Variants in SPRY1 observed in about 807,000 individuals in gnomAD.
SPRY1 encodes the protein protein sprouty homolog 1.
Under a neutral mutation model 22.6 loss-of-function variants are expected in SPRY1, and 20 were observed. The ratio of observed to expected loss-of-function variants is 0.89; its 90% CI spans 0.62 to 1.29. SPRY1 has a LOEUF of 1.29. Ranked by LOEUF, SPRY1 falls within the 50% of genes most tolerant of loss-of-function variation. The pLI, the probability that SPRY1 is intolerant of heterozygous loss-of-function variation, is 0.00. For missense variants in SPRY1, 446 were observed against 387.7 expected (o/e 1.15, Z -1.26); for synonymous variants, 155 against 144.7 (o/e 1.07, Z -0.51).
chr4:123,397,016 A>T (rs533052608), intron 1 of SPRY1, 84 bp downstream of exon 1: 8 of 152,348 alleles, frequency 5.3e-5, no homozygotes, highest in African/African-American at 1.9e-4. Flanking sequence ...ACATTTATTT[A>T]TTTGAACTTG....
In SPRY1 at chr4:123,402,162, G is replaced by C; in HGVS notation, c.571G>C (p.Glu191Gln). ...ACAGTGTGGGAAGTGCAAGTGTGGAGAATGCACTGCTCCCAGGACCCTACC... is the reference window on the plus strand; with the variant it reads ...ACAGTGTGGGAAGTGCAAGTGTGGACAATGCACTGCTCCCAGGACCCTACC... ...CEQCGKCKCG[E>Q]CTAPRTLPSC... The change falls in exon 3 of 3, where the codon GAA becomes CAA. Residue 191 changes from glutamate (E) to glutamine (Q), a missense_variant. Glu to Gln is a conservative substitution (Grantham distance 29). Coordinates refer to ENST00000651917, the MANE Select transcript of SPRY1 (RefSeq NM_001258038.2). The C allele has an allele frequency of 6.2e-7, 1 of 1,614,232 alleles. No individual in the cohort carries two copies. Among genetic ancestry groups the C allele is most frequent in the Non-Finnish European group, 8.5e-7 (1 of 1,180,034 alleles).
At chr4:123,398,366 G>A (rs1724999211) in intron 2 of SPRY1, 1 of 151,134 alleles carries the variant, frequency 6.6e-6, no homozygotes, top group Admixed American at 6.6e-5. Flanking sequence ...CGGCGGGGGC[G>A]GGGGAGGCCG....
At chr4:123,398,126 T>C (rs1724985475) in intron 2 of SPRY1, 1 of 152,402 alleles carries the variant, frequency 6.6e-6, no homozygotes, top group Non-Finnish European at 1.5e-5. Context: ...CGTCACGCAC[T>C]CGACTCCGCC....
At chr4:123,399,593 C>G (rs1279863417) in intron 2 of SPRY1, 1 of 152,338 alleles carries the variant, frequency 6.6e-6, no homozygotes, top group Non-Finnish European at 1.5e-5. Flanking sequence ...CTTCTTTCTC[C>G]TCGGCCCTCG....
At chr4:123,400,185 C>T (rs572702447) in intron 2 of SPRY1, 15 of 152,140 alleles carry the variant, frequency 9.9e-5, no homozygotes, top group Admixed American at 3.9e-4. Flanking sequence ...ACTAAATCCC[C>T]GCAGGTTATG....
chr4:123,400,214 C>G (rs994980571), intron 2 of SPRY1: 1 of 151,910 alleles, frequency 6.6e-6, no homozygotes, highest in Non-Finnish European at 1.5e-5. Flanking sequence ...ACTCCTCATG[C>G]GCAAAGAAGG....
At position 123,401,679 on chromosome 4, in the gene SPRY1, G is replaced by A. The variant is rs979389180; in HGVS notation, c.88G>A (p.Glu30Lys). The A allele has an allele frequency of 6.2e-7, 1 of 1,614,026 alleles. No homozygotes were observed. The highest frequency in any genetic ancestry group is 8.5e-7 in the Non-Finnish European group (1 of 1,180,036). ...GGATAGCCGTCAGAGATTAGACTAT[G>A]AGAGAGAGATTCAGCCTACTGCTAT... ...SLDSRQRLDY[E>K]REIQPTAILS... Residue 30 changes from glutamate to lysine, a missense_variant, in exon 3 of 3, where the codon GAG becomes AAG. Transcript: ENST00000651917.
At chr4:123,400,355 T>A (rs1480563746) in intron 2 of SPRY1, 1 of 152,232 alleles carries the variant, frequency 6.6e-6, no homozygotes, top group Non-Finnish European at 1.5e-5. Context: ...TCTGCGTTGT[T>A]CCTTAAACCA....
In SPRY1 at chr4:123,401,572, A is replaced by G. The variant is rs751828074; in HGVS notation, c.-20A>G. The G allele has an allele frequency of 1.3e-6, 2 of 1,599,856 alleles. No individual in the cohort carries two copies. Among genetic ancestry groups the G allele is most frequent in the Admixed American group, 3.4e-5 (2 of 59,014 alleles). ...GCATGCCAGGTTTCCACTGATTGCC[A>G]GAACTCGAGATCACTACACATGGAT... On this transcript the variant is annotated 5_prime_UTR_variant, in exon 3 of 3. Coordinates refer to ENST00000651917, the MANE Select transcript of SPRY1 (RefSeq NM_001258038.2).
chr4:123,402,804 A>G lies in SPRY1; in HGVS notation c.*253A>G. 2 of 551,886 alleles carry G rather than the reference A, an allele frequency of 3.6e-6. No individual in the cohort carries two copies. The highest frequency in any genetic ancestry group is 6.5e-6 in the Non-Finnish European group (2 of 309,866). 34.2% of individuals were successfully genotyped at this position (551,886 alleles called of 1,614,324 possible). On this transcript the variant is annotated 3_prime_UTR_variant, in exon 3 of 3. Transcript: ENST00000651917. ...CATCCACTTGAGGGTATTGAGAGCC[A>G]GTGGGCTTTTGTGTAGCCTTTTTGT... is the stretch of plus-strand genomic sequence containing the variant.
At chr4:123,401,479 A>G (rs550467630) in intron 2 of SPRY1, 58 bp from the exon 3 acceptor site, 2 of 1,325,932 alleles carry the variant, frequency 1.5e-6, no homozygotes, top group Admixed American at 2.3e-5. Flanking sequence ...CCCCCCCCCC[A>G]AAAAAAATGC....
rs770049527 is a variant in SPRY1, at chr4:123,402,317, A to G, written c.726A>G (p.Ser242=). 2 of 1,614,128 alleles carry G rather than the reference A, an allele frequency of 1.2e-6. No individual in the cohort carries two copies. Among genetic ancestry groups the G allele is most frequent in the African/African-American group, 2.7e-5 (2 of 74,954 alleles). ...ATGACGACGAAGGGGATTCCTATTC[A>G]GATAATCCTTGCTCCTGTTCACAAT... ...CSNDDEGDSY[S]DNPCSCSQSH... The change falls in exon 3 of 3, where the codon TCA becomes TCG. Residue 242 remains serine, a synonymous_variant. Coordinates refer to ENST00000651917, the MANE Select transcript of SPRY1 (RefSeq NM_001258038.2).
rs1725230217 is a variant in SPRY1 at position 123,402,841 on chromosome 4, C to T, written c.*290C>T. 4 of 518,026 alleles carry T rather than the reference C, an allele frequency of 7.7e-6. No homozygotes were observed. The South Asian group carries it at 1.7e-4, about 22-fold the overall frequency. 32.1% of individuals were successfully genotyped at this position (518,026 alleles called of 1,614,324 possible). ...TGTAGCCTTTTTGTTCTGCAAGCAA[C>T]TTTCTAAAGTTGTGTACATGAACAT... On this transcript the variant is annotated 3_prime_UTR_variant, in exon 3 of 3. Transcript: ENST00000651917.
At chr4:123,400,129 A>T (rs1725089607) in intron 2 of SPRY1, 1 of 152,182 alleles carries the variant, frequency 6.6e-6, no homozygotes, top group South Asian at 2.1e-4. Flanking sequence ...CTTGAAGAAG[A>T]GGAATAATTG....
chr4:123,400,252 T>A (rs1324563409), intron 2 of SPRY1: 1 of 152,178 alleles, frequency 6.6e-6, no homozygotes, highest in Non-Finnish European at 1.5e-5. Flanking sequence ...TCGAGAGAGC[T>A]GAGTTGTGAA....
chr4:123,400,413 T>C (rs563847311), intron 2 of SPRY1: 1 of 152,350 alleles, frequency 6.6e-6, no homozygotes, highest in South Asian at 2.1e-4. Context: ...TTCTTTTTCT[T>C]TTCATTCTTG....
chr4:123,402,292 A>G lies in SPRY1; in HGVS notation c.701A>G (p.Asn234Ser), dbSNP rs772249078. 6 of 1,614,114 alleles carry G rather than the reference A, an allele frequency of 3.7e-6. No homozygotes were observed. Among genetic ancestry groups the G allele is most frequent in the Admixed American group, 1.7e-5 (1 of 60,006 alleles). Residue 234 changes from asparagine to serine, a missense_variant, in exon 3 of 3, where the codon AAT becomes AGT. Physicochemically the swap from Asn to Ser is conservative, Grantham distance 46 (BLOSUM62 1). Coordinates refer to ENST00000651917, the MANE Select transcript of SPRY1 (RefSeq NM_001258038.2). ...AAGGGCATCTTCTACCACTGCTCCA[A>G]TGACGACGAAGGGGATTCCTATTCA... ...LVKGIFYHCSNDDEGDSYSDN... is the reference protein window; with the variant it reads ...LVKGIFYHCSSDDEGDSYSDN...
chr4:123,397,361 GC>G (rs1169797043), intron 1 of SPRY1, among the ~76,000 whole-genome samples: 3 of 152,216 alleles, frequency 2.0e-5, no homozygotes, highest in Non-Finnish European at 4.4e-5. Flanking sequence ...CAGAGGCGTT[GC>G]TTGAACGTTG....
At position 123,402,296 on chromosome 4, in the gene SPRY1, C is replaced by A; in HGVS notation, c.705C>A (p.Asp235Glu). The A allele has an allele frequency of 6.2e-7, 1 of 1,614,196 alleles. No individual in the cohort carries two copies. The highest frequency in any genetic ancestry group is 2.2e-5 in the East Asian group (1 of 44,884). The part of the protein sequence containing the change: ...VKGIFYHCSN[D>E]DEGDSYSDNP... ...GCATCTTCTACCACTGCTCCAATGA[C>A]GACGAAGGGGATTCCTATTCAGATA... The change falls in exon 3 of 3, where the codon GAC becomes GAA. Residue 235 changes from aspartate to glutamate, a missense_variant. Transcript: ENST00000651917.
Sources: allele counts gnomAD v4.1 joint callset (sites outside exome capture counted in the v4.1 genomes callset), GRCh38; gene constraint gnomAD v4.1.1; transcripts MANE v1.5; gene names NCBI Gene and HGNC (gene_info 2026-07-23, HGNC 2026-07-21).